The following MRPL22 variants were observed in gnomAD, a reference collection of about 807,000 sequenced individuals.
The protein encoded by MRPL22 is mitochondrial ribosomal protein L22.
MRPL22 carries 27 observed loss-of-function variants against 32.4 expected under a neutral mutation model. That is an observed-to-expected ratio of 0.83 (90% confidence interval 0.61 to 1.15). The LOEUF is 1.15. Ranked by LOEUF, MRPL22 falls within the 50% of genes most tolerant of loss-of-function variation. MRPL22 has a pLI of 0.00. For synonymous variants in MRPL22, 86 were observed against 87.3 expected (o/e 0.99, Z 0.08); for missense variants, 239 against 260.2 (o/e 0.92, Z 0.56).
intron 3 of MRPL22, chr5:154,956,161 T>C (rs1472315562): frequency 4.0e-6 from 2 of 500,482 alleles, no homozygotes; most frequent in Admixed American, 4.2e-5. Context: ...ATTTCTCCCG[T>C]AGTAATCTTT....
chr5:154,947,484 A>G (rs1170674891), intron 2 of MRPL22, among the ~76,000 whole-genome samples: 1 of 152,220 alleles, frequency 6.6e-6, no homozygotes, highest in Non-Finnish European at 1.5e-5. Flanking sequence ...AAAATGATAC[A>G]CTAGAATAGA....
Position 154,960,052 on chromosome 5 carries a change from A to G in MRPL22, c.409+3A>G. On this transcript the variant is annotated splice_donor_region_variant and intron_variant, in intron 6 of 6. Transcript: ENST00000523037. Reference sequence around the variant, plus strand: ...ATTCAGGTCCAATTTATATATAGGTAAGATTTTTAATATTCTTAGCATTAG... The same window carrying G: ...ATTCAGGTCCAATTTATATATAGGTGAGATTTTTAATATTCTTAGCATTAG... The G allele has an allele frequency of 1.3e-6, 2 of 1,586,764 alleles. No homozygotes were observed. The highest frequency in any genetic ancestry group is 1.7e-6 in the Non-Finnish European group (2 of 1,156,420).
intron 2 of MRPL22, among the ~76,000 whole-genome samples, chr5:154,943,475 C>T (rs573831092): frequency 6.6e-6 from 1 of 151,878 alleles, no homozygotes; most frequent in Admixed American, 6.6e-5. Flanking sequence ...AGTGGGAGGG[C>T]CTGTGGTGGT....
At position 154,969,136 on chromosome 5, in the gene MRPL22, T is replaced by A. The variant is rs1346371176; in HGVS notation, c.*2239T>A. 1 of 152,224 alleles carries A rather than the reference T, an allele frequency of 6.6e-6. No homozygotes were observed. The highest frequency in any genetic ancestry group is 2.4e-5 in the African/African-American group (1 of 41,462). 9.4% of individuals were successfully genotyped at this position (152,224 alleles called of 1,614,324 possible). On this transcript the variant is annotated 3_prime_UTR_variant, in exon 7 of 7. Coordinates refer to ENST00000523037, the MANE Select transcript of MRPL22 (RefSeq NM_014180.4). ...ATCTTATCTCAAATTGTAATCCCCA[T>A]GTGTCCAGGGAGGGACCTGTAATCC...
chr5:154,968,739 G>A lies in MRPL22; in HGVS notation c.*1842G>A, dbSNP rs940846904. 1 of 152,312 alleles carries A rather than the reference G, an allele frequency of 6.6e-6. No homozygotes were observed. The highest frequency in any genetic ancestry group is 2.4e-5 in the African/African-American group (1 of 41,572). 9.4% of individuals were successfully genotyped at this position (152,312 alleles called of 1,614,324 possible). A position where few individuals can be genotyped will look rare whatever the true frequency, so the allele number is the denominator to read the frequency against. On this transcript the variant is annotated 3_prime_UTR_variant, in exon 7 of 7. Transcript: ENST00000523037. ...TTGGGTGTGACTAAAGCCAGGTGGTGCCATGGACATCATAAATATAAATTA... is the reference window on the plus strand; with the variant it reads ...TTGGGTGTGACTAAAGCCAGGTGGTACCATGGACATCATAAATATAAATTA...
In MRPL22 at chr5:154,966,911, A is replaced by G. The variant is rs908410812; in HGVS notation, c.*14A>G. On this transcript the variant is annotated 3_prime_UTR_variant, in exon 7 of 7. Coordinates refer to ENST00000523037, the MANE Select transcript of MRPL22 (RefSeq NM_014180.4). ...CACACTCTATGATGAGGAGATTCAGACTCCACAGTGTATATATTTTGCCAT... is the reference window on the plus strand; with the variant it reads ...CACACTCTATGATGAGGAGATTCAGGCTCCACAGTGTATATATTTTGCCAT... 6.2e-7 allele frequency: 1 copy of G among 1,600,744 alleles called. No individual in the cohort carries two copies. The highest frequency in any genetic ancestry group is 1.3e-5 in the African/African-American group (1 of 74,572).
intron 2 of MRPL22, among the ~76,000 whole-genome samples, chr5:154,944,528 A>G (rs991981434): frequency 6.6e-6 from 1 of 152,196 alleles, no homozygotes; most frequent in African/African-American, 2.4e-5. Flanking sequence ...GATTCTACAA[A>G]TATGTATTTA....
At chr5:154,944,940 G>A (rs1764469105) in intron 2 of MRPL22, among the ~76,000 whole-genome samples, 1 of 152,214 alleles carries the variant, frequency 6.6e-6, no homozygotes, top group Admixed American at 6.5e-5. Flanking sequence ...GAGGGATAGT[G>A]ATAGGAGATG....
intron 2 of MRPL22, among the ~76,000 whole-genome samples, chr5:154,942,564 G>A (rs1296761576): frequency 6.6e-6 from 1 of 152,158 alleles, no homozygotes; most frequent in Non-Finnish European, 1.5e-5. Context: ...GCACTTACTT[G>A]CTTCTTGGCT....
intron 3 of MRPL22, among the ~76,000 whole-genome samples, chr5:154,951,562 G>A (rs1193176789): frequency 6.6e-6 from 1 of 151,880 alleles, no homozygotes; most frequent in African/African-American, 2.4e-5. Flanking sequence ...TTTTGAGACA[G>A]AGTCTTGCTC....
Position 154,967,032 on chromosome 5 carries a change from ATATT to A in MRPL22, c.*139_*142del, listed in dbSNP as rs1212606802. 1 of 981,484 alleles carries A rather than the reference ATATT, an allele frequency of 1.0e-6. No homozygotes were observed. The highest frequency in any genetic ancestry group is 1.5e-6 in the Non-Finnish European group (1 of 684,854). 60.8% of individuals were successfully genotyped at this position (981,484 alleles called of 1,614,324 possible). A position where few individuals can be genotyped will look rare whatever the true frequency, so the allele number is the denominator to read the frequency against. On this transcript the variant is annotated 3_prime_UTR_variant, in exon 7 of 7. Coordinates refer to ENST00000523037, the MANE Select transcript of MRPL22 (RefSeq NM_014180.4). The surrounding 1 kb of genome is among the most constrained non-coding windows in gnomAD (Gnocchi z 4.7). ...GTGTATAACTGCTAGTTGTAAATGA[ATATT>A]TATAAGGCTTTGCCCATTTCTTTTG...
chr5:154,958,814 G>A (rs527302799), intron 5 of MRPL22, among the ~76,000 whole-genome samples: 5 of 151,992 alleles, frequency 3.3e-5, no homozygotes, highest in African/African-American at 1.2e-4. Flanking sequence ...CAAAGTGCTG[G>A]GATTACAGGC....
chr5:154,945,600 G>A (rs553820424), intron 2 of MRPL22, among the ~76,000 whole-genome samples: 2 of 152,114 alleles, frequency 1.3e-5, no homozygotes, highest in South Asian at 4.2e-4. Context: ...GAAAGAGTCC[G>A]AGGATTGATT....
chr5:154,949,182 C>T (rs1037947083), intron 2 of MRPL22, among the ~76,000 whole-genome samples: 5 of 152,022 alleles, frequency 3.3e-5, no homozygotes, highest in African/African-American at 9.7e-5. Flanking sequence ...ATTTCAAGAC[C>T]GTAATCTGGG....
rs750045855 is a variant in MRPL22, at chr5:154,941,271, T to C, written c.77+6T>C. ...CGGGGGAAGCTGGCCTTGGGGTGAGTCTCTCGCTTCGGAGTTTCGGAAGGG... is the reference window on the plus strand; with the variant it reads ...CGGGGGAAGCTGGCCTTGGGGTGAGCCTCTCGCTTCGGAGTTTCGGAAGGG... On this transcript the variant is annotated splice_donor_region_variant and intron_variant, in intron 2 of 6. Coordinates refer to ENST00000523037, the MANE Select transcript of MRPL22 (RefSeq NM_014180.4). 3.0e-5 allele frequency: 48 copies of C among 1,612,396 alleles called. No individual in the cohort carries two copies. The Admixed American group carries it at 3.2e-4, about 11-fold the overall frequency.
At chr5:154,943,597 T>G (rs545398369) in intron 2 of MRPL22, among the ~76,000 whole-genome samples, 30 of 151,446 alleles carry the variant, frequency 2.0e-4, no homozygotes, top group Admixed American at 5.3e-4. Context: ...TATATGCACA[T>G]ATATACATAT....
chr5:154,956,159 C>T (rs1205595823), intron 3 of MRPL22: 10 of 485,972 alleles, frequency 2.1e-5, no homozygotes, highest in East Asian at 1.6e-4. Flanking sequence ...CTATTTCTCC[C>T]GTAGTAATCT....
At chr5:154,962,241 C>G (rs1455632862) in intron 6 of MRPL22, among the ~76,000 whole-genome samples, 1 of 152,142 alleles carries the variant, frequency 6.6e-6, no homozygotes, top group Non-Finnish European at 1.5e-5. Context: ...TCTTAAGAAT[C>G]ATCTTGAGGT....
At chr5:154,954,310 C>G (rs1436196074) in intron 3 of MRPL22, among the ~76,000 whole-genome samples, 1 of 152,094 alleles carries the variant, frequency 6.6e-6, no homozygotes, top group Non-Finnish European at 1.5e-5. Context: ...TTAGGTAACA[C>G]TTTTTCCTCA....
Sources: allele counts gnomAD v4.1 joint callset (sites outside exome capture counted in the v4.1 genomes callset), GRCh38; gene constraint gnomAD v4.1.1; non-coding constraint Gnocchi (gnomAD v3.1); transcripts MANE v1.5; gene names NCBI Gene and HGNC (gene_info 2026-07-23, HGNC 2026-07-21).